RRP36: variants seen among roughly 807,000 people sequenced by gnomAD.
The protein encoded by RRP36 is ribosomal RNA processing protein 36 homolog.
RRP36 carries 44 observed loss-of-function variants against 39.8 expected under a neutral mutation model. The ratio of observed to expected loss-of-function variants is 1.10; its 90% CI spans 0.87 to 1.42. RRP36 has a LOEUF of 1.42. Among genes scored for constraint, RRP36 ranks in the 40% most tolerant of loss-of-function variants. The probability of loss-of-function intolerance (pLI) is 0.00; values close to 1 mark genes in which losing one functional copy is unlikely to be tolerated. For missense variants in RRP36, 316 were observed against 322.4 expected, an observed-to-expected ratio of 0.98 and a Z score of 0.15; for synonymous variants, 124 against 123.1, an observed-to-expected ratio of 1.01 and a Z score of -0.05.
chr6:43,022,982 A>G (rs1279608192), intron 1 of RRP36, among the ~76,000 whole-genome samples: 2 of 152,106 alleles, frequency 1.3e-5, no homozygotes, highest in East Asian at 3.9e-4. Context: ...TCCTGGGCTC[A>G]AGTGATCCAC....
Position 43,021,709 on chromosome 6 carries a change from C to T in RRP36, c.55C>T (p.Pro19Ser). 1.7e-6 allele frequency: 2 copies of T among 1,194,976 alleles called. No individual in the cohort carries two copies. Among genetic ancestry groups the T allele is most frequent in the Non-Finnish European group, 1.0e-6 (1 of 962,788 alleles). 74.0% of individuals were successfully genotyped at this position (1,194,976 alleles called of 1,614,324 possible). The part of the protein sequence containing the change: ...GAGAGAGARR[P>S]RGARDREEDG... ...CGGGGCCGGGGCCGGGGCCCGACGT[C>T]CCCGCGGGGCCCGGGACCGCGAGGA... Residue 19 changes from proline (P) to serine (S), a missense_variant, in exon 1 of 7, where the codon CCC (proline) becomes TCC (serine). By Grantham distance (74) the Pro-to-Ser change is moderately conservative. Coordinates refer to ENST00000244496, the MANE Select transcript of RRP36 (RefSeq NM_033112.4).
At chr6:43,023,899 C>T (rs1762769058) in intron 1 of RRP36, among the ~76,000 whole-genome samples, 1 of 150,538 alleles carries the variant, frequency 6.6e-6, no homozygotes, top group African/African-American at 2.4e-5. Context: ...CTCTGTCACC[C>T]AGGCTGGAGT....
chr6:43,025,777 A>G (rs1196095597), intron 3 of RRP36, among the ~76,000 whole-genome samples: 3 of 151,386 alleles, frequency 2.0e-5, no homozygotes, highest in Non-Finnish European at 4.4e-5. Context: ...TAAAAATACA[A>G]AAAAAAATAG....
In RRP36 at chr6:43,021,759, G is replaced by C. The variant is rs1762717016; in HGVS notation, c.105G>C (p.Ala35=). The change falls in exon 1 of 7, where the codon GCG becomes GCC. Residue 35 remains alanine, a synonymous_variant. Coordinates refer to ENST00000244496, the MANE Select transcript of RRP36 (RefSeq NM_033112.4). ...AGGACGGCGGGGGCCTGGAGCCCGC[G>C]GCCGTGGCCCGCGACCTATTGAGGG... The part of the protein sequence containing the change: ...REEDGGGLEP[A]AVARDLLRGT... 1 of 1,222,586 alleles carries C rather than the reference G, an allele frequency of 8.2e-7. No homozygotes were observed. The highest frequency in any genetic ancestry group is 1.6e-5 in the African/African-American group (1 of 64,000). The allele number at this position is 1,222,586 out of a possible 1,614,324, so 75.7% of individuals were successfully genotyped here. A position where few individuals can be genotyped will look rare whatever the true frequency, so the allele number is the denominator to read the frequency against.
In RRP36 at chr6:43,026,211, G is replaced by T. The variant is rs1762811913; in HGVS notation, c.450+70G>T. On this transcript the variant is annotated intron_variant, in intron 4 of 6. Transcript: ENST00000244496. ...AAATGAGGGCACAGGTTAGAGAGTTGGGCAGGGGGAGTGGGAAGTATAGTG... is the reference window on the plus strand; with the variant it reads ...AAATGAGGGCACAGGTTAGAGAGTTTGGCAGGGGGAGTGGGAAGTATAGTG... 3.7e-6 allele frequency: 4 copies of T among 1,085,802 alleles called. No individual in the cohort carries two copies. In the South Asian group the frequency reaches 5.1e-5, roughly 14 times the overall value. 67.3% of individuals were successfully genotyped at this position (1,085,802 alleles called of 1,614,324 possible).
chr6:43,025,964 G>A, intron 3 of RRP36, 73 bp from the exon 4 acceptor site: 1 of 1,141,766 alleles, frequency 8.8e-7, no homozygotes, highest in Non-Finnish European at 1.3e-6. Context: ...ATGAGGAAGA[G>A]ACAGGAAGCA....
intron 3 of RRP36, among the ~76,000 whole-genome samples, 171 bp downstream of exon 3, chr6:43,025,500 G>A (rs777620447): frequency 6.6e-6 from 1 of 151,596 alleles, no homozygotes; most frequent in African/African-American, 2.4e-5. Flanking sequence ...GTGTGTGCCT[G>A]TAGTCCCAGC....
chr6:43,026,112 T>C lies in RRP36; in HGVS notation c.421T>C (p.Leu141=), dbSNP rs1762809952. The change falls in exon 4 of 7, where the codon TTG becomes CTG. Residue 141 remains leucine, a synonymous_variant. Transcript: ENST00000244496. The part of the protein sequence containing the change: ...PEVFDKTYQF[L]NDIRAKEKEL... ...GGTGTTTGACAAAACATACCAATTCTTGAATGACATCCGAGCGAAAGAGAA... is the reference window on the plus strand; with the variant it reads ...GGTGTTTGACAAAACATACCAATTCCTGAATGACATCCGAGCGAAAGAGAA... 2 of 1,613,676 alleles carry C rather than the reference T, an allele frequency of 1.2e-6. No homozygotes were observed. The highest frequency in any genetic ancestry group is 1.3e-5 in the African/African-American group (1 of 74,906).
At chr6:43,022,259 C>T (rs538423363) in intron 1 of RRP36, among the ~76,000 whole-genome samples, 3 of 151,910 alleles carry the variant, frequency 2.0e-5, no homozygotes, top group African/African-American at 7.2e-5. Flanking sequence ...CCACCACGCC[C>T]GGCTAATTTT....
chr6:43,023,941 C>T (rs1224090968), intron 1 of RRP36, among the ~76,000 whole-genome samples: 1 of 151,188 alleles, frequency 6.6e-6, no homozygotes, highest in Non-Finnish European at 1.5e-5. Flanking sequence ...ACTGCATCCT[C>T]TGCCTCCCAG....
At chr6:43,023,089 AAT>A (rs1762756148) in intron 1 of RRP36, among the ~76,000 whole-genome samples, 1 of 152,150 alleles carries the variant, frequency 6.6e-6, no homozygotes, top group African/African-American at 2.4e-5. Context: ...GATAGTTGTG[AAT>A]AAAGTAGTCA....
intron 1 of RRP36, among the ~76,000 whole-genome samples, chr6:43,023,187 C>T (rs916536838): frequency 6.6e-6 from 1 of 151,994 alleles, no homozygotes; most frequent in Non-Finnish European, 1.5e-5. Flanking sequence ...CGCTTGAGCC[C>T]AGGAGTTCAA....
Position 43,025,318 on chromosome 6 carries a change from A to G in RRP36, c.334A>G (p.Ile112Val), listed in dbSNP as rs868082733. 5.0e-6 allele frequency: 8 copies of G among 1,613,678 alleles called. No individual in the cohort carries two copies. The highest frequency in any genetic ancestry group is 1.8e-4 in the Middle Eastern group (1 of 5,662). ...RVPFLRQVVPISKKVARDPRF... is the reference protein window; with the variant it reads ...RVPFLRQVVPVSKKVARDPRF... ...ACCATTTTTACGTCAGGTTGTTCCCATTAGTAAAAAGGTAAGGAAGAAGGC... is the reference window on the plus strand; with the variant it reads ...ACCATTTTTACGTCAGGTTGTTCCCGTTAGTAAAAAGGTAAGGAAGAAGGC... The change falls in exon 3 of 7, where the codon ATT (isoleucine) becomes GTT (valine). Residue 112 changes from isoleucine (I) to valine (V), a missense_variant. Coordinates refer to ENST00000244496, the MANE Select transcript of RRP36 (RefSeq NM_033112.4).
chr6:43,021,708 T>G lies in RRP36; in HGVS notation c.54T>G (p.Arg18=), dbSNP rs931370884. The G allele has an allele frequency of 2.6e-6, 3 of 1,165,282 alleles. No individual in the cohort carries two copies. The Admixed American group carries it at 1.8e-4, about 69-fold the overall frequency. 72.2% of individuals were successfully genotyped at this position (1,165,282 alleles called of 1,614,324 possible). The change falls in exon 1 of 7, where the codon CGT becomes CGG. Residue 18 remains arginine, a synonymous_variant. Coordinates refer to ENST00000244496, the MANE Select transcript of RRP36 (RefSeq NM_033112.4). The stretch of plus-strand genomic sequence containing the variant: ...CCGGGGCCGGGGCCGGGGCCCGACG[T>G]CCCCGCGGGGCCCGGGACCGCGAGG... The part of the protein sequence containing the change: ...AGAGAGAGAR[R]PRGARDREED...
At chr6:43,027,071 A>T in intron 4 of RRP36, 107 bp from the exon 5 acceptor site, 1 of 960,008 alleles carries the variant, frequency 1.0e-6, no homozygotes, top group Non-Finnish European at 1.6e-6. Context: ...CTCAAAAAAA[A>T]ATGTGTGTGT....
chr6:43,021,746 G>C lies in RRP36; in HGVS notation c.92G>C (p.Gly31Ala). ...GARDREEDGG[G>A]LEPAAVARDL... The stretch of plus-strand genomic sequence containing the variant: ...CGGGACCGCGAGGAGGACGGCGGGG[G>C]CCTGGAGCCCGCGGCCGTGGCCCGC... The change falls in exon 1 of 7, where the codon GGC (glycine) becomes GCC (alanine). Residue 31 changes from glycine to alanine, a missense_variant. Transcript: ENST00000244496. 2 of 1,224,114 alleles carry C rather than the reference G, an allele frequency of 1.6e-6. No homozygotes were observed. Among genetic ancestry groups the C allele is most frequent in the Non-Finnish European group, 2.0e-6 (2 of 982,426 alleles). 75.8% of individuals were successfully genotyped at this position (1,224,114 alleles called of 1,614,324 possible). A position where few individuals can be genotyped will look rare whatever the true frequency, so the allele number is the denominator to read the frequency against.
chr6:43,027,719 C>CG (rs1346426157), intron 6 of RRP36, among the ~76,000 whole-genome samples: 1 of 130,370 alleles, frequency 7.7e-6, no homozygotes, highest in Non-Finnish European at 1.7e-5. Context: ...CCAACCCCCC[C>CG]CCCCCAACAC....
chr6:43,027,483 T>G lies in RRP36; in HGVS notation c.643+6T>G. On this transcript the variant is annotated splice_donor_region_variant and intron_variant, in intron 6 of 6. Transcript: ENST00000244496. ...GCCATACTTCCTGAAAAAATGTGAG[T>G]TGGGCACAACTGTTGCTAACAGGGA... 1 of 1,611,062 alleles carries G rather than the reference T, an allele frequency of 6.2e-7. No individual in the cohort carries two copies. Among genetic ancestry groups the G allele is most frequent in the Non-Finnish European group, 8.5e-7 (1 of 1,177,944 alleles).
Position 43,021,684 on chromosome 6 carries a change from CGGGGCCG to C in RRP36, c.34_40del (p.Ala12ProfsTer29). 1 of 1,231,246 alleles carries C rather than the reference CGGGGCCG, an allele frequency of 8.1e-7. No individual in the cohort carries two copies. The highest frequency in any genetic ancestry group is 1.0e-6 in the Non-Finnish European group (1 of 985,342). 76.3% of individuals were successfully genotyped at this position (1,231,246 alleles called of 1,614,324 possible). On this transcript the variant is annotated frameshift_variant, in exon 1 of 7. Coordinates refer to ENST00000244496, the MANE Select transcript of RRP36 (RefSeq NM_033112.4). LOFTEE classifies it high-confidence loss of function. ...CGGGAGCTAACTACCGCGCCGGGGC[CGGGGCCG>C]GGGCCGGGGCCCGACGTCCCCGCGG...
Sources: allele counts gnomAD v4.1 joint callset (sites outside exome capture counted in the v4.1 genomes callset), GRCh38; gene constraint gnomAD v4.1.1; transcripts MANE v1.5; gene names NCBI Gene and HGNC (gene_info 2026-07-23, HGNC 2026-07-21).